Variants in ZBTB16 observed in about 807,000 individuals in gnomAD.
ZBTB16 encodes the protein zinc finger and BTB domain containing 16.
In ZBTB16, 8 loss-of-function variants were observed where a neutral mutation model predicts 56.8. The ratio of observed to expected loss-of-function variants is 0.14; its 90% CI spans 0.08 to 0.25. The LOEUF is 0.25. ZBTB16 is among the 10% of genes least tolerant of loss of function. The pLI is 1.00. For missense variants in ZBTB16, 625 were observed against 903.0 expected (o/e 0.69, Z 3.95); for synonymous variants, 363 against 368.5 (o/e 0.98, Z 0.17).
chr11:114,081,821 T>C (rs923234115), intron 2 of ZBTB16, among the ~76,000 whole-genome samples: 4 of 152,058 alleles, frequency 2.6e-5, no homozygotes, highest in Admixed American at 6.5e-5. Context: ...ATGAGGGTGA[T>C]TCATGCTGGA....
intron 3 of ZBTB16, among the ~76,000 whole-genome samples, chr11:114,162,497 CCTCT>C (rs1942617512): frequency 1.3e-5 from 2 of 152,276 alleles, no homozygotes; most frequent in South Asian, 4.1e-4. Flanking sequence ...CTCCCATTCA[CCTCT>C]CTCCTCCCAG....
intron 2 of ZBTB16, among the ~76,000 whole-genome samples, chr11:114,115,132 T>C (rs1287383732): frequency 6.6e-6 from 1 of 152,182 alleles, no homozygotes; most frequent in Non-Finnish European, 1.5e-5. Context: ...TGTATACTTC[T>C]TTAATTTCTC....
intron 3 of ZBTB16, among the ~76,000 whole-genome samples, chr11:114,183,819 T>C (rs906588649): frequency 3.3e-5 from 5 of 152,224 alleles, no homozygotes; most frequent in African/African-American, 4.8e-5. Flanking sequence ...TTTCTGCATT[T>C]CCAGTGTAAA....
intron 2 of ZBTB16, among the ~76,000 whole-genome samples, chr11:114,089,312 G>A (rs1165454951): frequency 6.6e-6 from 1 of 152,172 alleles, no homozygotes; most frequent in African/African-American, 2.4e-5. Flanking sequence ...GCTGGCTTAG[G>A]CTTCATAATG....
chr11:114,209,380 G>A, intron 4 of ZBTB16: 1 of 985,394 alleles, frequency 1.0e-6, no homozygotes, highest in South Asian at 4.7e-5. Context: ...GGTTAATGGT[G>A]TCTGGGATTT....
At chr11:114,229,365 CAG>C (rs1944392388) in intron 4 of ZBTB16, among the ~76,000 whole-genome samples, 2 of 152,202 alleles carry the variant, frequency 1.3e-5, no homozygotes, top group African/African-American at 4.8e-5. Flanking sequence ...GAACAGCTAG[CAG>C]AGTTTTCTCT....
chr11:114,152,423 G>A (rs976340113), intron 2 of ZBTB16, among the ~76,000 whole-genome samples: 1 of 152,204 alleles, frequency 6.6e-6, no homozygotes, highest in African/African-American at 2.4e-5. Flanking sequence ...TTGTCAAAAG[G>A]TTCAGATTTG....
At chr11:114,200,127 C>CAAAA (rs796851438) in intron 4 of ZBTB16, among the ~76,000 whole-genome samples, 1 of 105,084 alleles carries the variant, frequency 9.5e-6, no homozygotes, top group Non-Finnish European at 2.0e-5. Context: ...GACTCCGTCT[C>CAAAA]AAAAAAAAAA....
At chr11:114,158,931 C>G (rs1942499291) in intron 3 of ZBTB16, among the ~76,000 whole-genome samples, 1 of 152,250 alleles carries the variant, frequency 6.6e-6, no homozygotes, top group South Asian at 2.1e-4. Context: ...GTGGTAGGAA[C>G]TGTTTATGTC....
intron 3 of ZBTB16, among the ~76,000 whole-genome samples, chr11:114,169,462 T>C (rs558338541): frequency 6.6e-6 from 1 of 152,132 alleles, no homozygotes; most frequent in African/African-American, 2.4e-5. Flanking sequence ...GGGAACCAGA[T>C]GGTGAAGGTT....
At chr11:114,228,086 T>TGGCGAAACCCCTGAAC (rs1944366016) in intron 4 of ZBTB16, among the ~76,000 whole-genome samples, 1 of 152,214 alleles carries the variant, frequency 6.6e-6, no homozygotes, top group East Asian at 1.9e-4. Context: ...CTGGGCAGTC[T>TGGCGAAACCCCTGAAC]GGCGAAACCC....
chr11:114,197,937 C>T (rs1943645756), intron 4 of ZBTB16, among the ~76,000 whole-genome samples: 1 of 151,678 alleles, frequency 6.6e-6, no homozygotes, highest in South Asian at 2.1e-4. Flanking sequence ...TTCCTGCTCT[C>T]AAGAACAGCC....
At chr11:114,235,478 G>A (rs971110815) in intron 4 of ZBTB16, among the ~76,000 whole-genome samples, 1 of 152,158 alleles carries the variant, frequency 6.6e-6, no homozygotes, top group African/African-American at 2.4e-5. Flanking sequence ...AATGGCACAG[G>A]TGTAAACATG....
chr11:114,108,285 TTTC>T (rs1940872006), intron 2 of ZBTB16, among the ~76,000 whole-genome samples: 1 of 152,146 alleles, frequency 6.6e-6, no homozygotes, highest in African/African-American at 2.4e-5. Flanking sequence ...CTCCCGAGTC[TTTC>T]AGCTCAGGAG....
intron 2 of ZBTB16, among the ~76,000 whole-genome samples, chr11:114,147,212 TCA>T (rs1404236386): frequency 6.6e-6 from 1 of 152,234 alleles, no homozygotes; most frequent in East Asian, 1.9e-4. Context: ...TTAATAAACC[TCA>T]GTTATTCTCA....
chr11:114,245,653 G>A (rs1052147549), intron 5 of ZBTB16, among the ~76,000 whole-genome samples: 12 of 152,156 alleles, frequency 7.9e-5, no homozygotes, highest in African/African-American at 1.9e-4. Flanking sequence ...AGTCTATAAC[G>A]AGAAGGACAA....
chr11:114,167,229 TTGG>T (rs781377714), intron 3 of ZBTB16, among the ~76,000 whole-genome samples: 54 of 100,496 alleles, frequency 5.4e-4, no homozygotes, highest in African/African-American at 2.3e-3. Context: ...TTTTTTTTTT[TTGG>T]TTTTTTTTTT....
chr11:114,082,173 G>A (rs184719032), intron 2 of ZBTB16, among the ~76,000 whole-genome samples: 4 of 151,532 alleles, frequency 2.6e-5, no homozygotes, highest in African/African-American at 7.3e-5. Context: ...CCAGCTTCTC[G>A]GGTGGCTGAA....
At chr11:114,233,264 A>G (rs1944497071) in intron 4 of ZBTB16, among the ~76,000 whole-genome samples, 2 of 151,980 alleles carry the variant, frequency 1.3e-5, no homozygotes, top group Non-Finnish European at 2.9e-5. Flanking sequence ...GGTGGGAGGT[A>G]CCAGCGGAGG....
Sources: gnomAD v4.1 joint callset for allele counts (sites outside exome capture counted in the v4.1 genomes callset) on GRCh38, gnomAD v4.1.1 for gene constraint, MANE v1.5 for transcripts, NCBI Gene and HGNC (gene_info 2026-07-23, HGNC 2026-07-21) for gene names.